CPQ: variants seen among roughly 807,000 people sequenced by gnomAD.
CPQ encodes Ser-Met dipeptidase.
CPQ carries 37 observed loss-of-function variants against 45.7 expected under a neutral mutation model. The ratio of observed to expected loss-of-function variants is 0.81; its 90% confidence interval spans 0.62 to 1.07. The LOEUF is 1.07. CPQ is among the 50% of genes least tolerant of loss of function. CPQ has a pLI of 0.00. For synonymous variants in CPQ, 186 were observed against 205.8 expected, an observed-to-expected ratio of 0.90 and a Z score of 0.82; for missense variants, 537 against 572.9, an observed-to-expected ratio of 0.94 and a Z score of 0.64.
chr8:97,039,025 T>A (rs903486392), intron 6 of CPQ, among the ~76,000 whole-genome samples: 1 of 152,160 alleles, frequency 6.6e-6, no homozygotes, highest in African/African-American at 2.4e-5. Flanking sequence ...GGTAGGCTAA[T>A]AATAGGACTG....
At chr8:96,877,402 A>G (rs1381340154) in intron 3 of CPQ, among the ~76,000 whole-genome samples, 1 of 152,212 alleles carries the variant, frequency 6.6e-6, no homozygotes, top group Non-Finnish European at 1.5e-5. Context: ...CTGTCTAGAA[A>G]CACTACTTAA....
intron 7 of CPQ, among the ~76,000 whole-genome samples, 195 bp from the exon 8 acceptor site, chr8:97,142,825 C>G: frequency 6.6e-6 from 1 of 152,204 alleles, no homozygotes; most frequent in East Asian, 1.9e-4. Context: ...AACTCATCCA[C>G]AGCCGGCTAC....
chr8:96,978,034 G>A (rs1813819224), intron 5 of CPQ, among the ~76,000 whole-genome samples: 1 of 152,008 alleles, frequency 6.6e-6, no homozygotes, highest in Non-Finnish European at 1.5e-5. Context: ...TGTAAAACTA[G>A]GTTTATGGCC....
At chr8:96,907,328 C>T (rs891937235) in intron 4 of CPQ, among the ~76,000 whole-genome samples, 1 of 152,028 alleles carries the variant, frequency 6.6e-6, no homozygotes, top group African/African-American at 2.4e-5. Context: ...TGGCTTGTCA[C>T]CTGGAAAAGG....
intron 1 of CPQ, among the ~76,000 whole-genome samples, chr8:96,712,840 T>C (rs910013167): frequency 7.2e-5 from 11 of 152,210 alleles, no homozygotes; most frequent in Non-Finnish European, 1.6e-4. Flanking sequence ...TTGTTACTTT[T>C]GCAAGTTTCT....
At chr8:96,843,631 C>T (rs998057828) in intron 3 of CPQ, among the ~76,000 whole-genome samples, 2 of 152,136 alleles carry the variant, frequency 1.3e-5, no homozygotes, top group Non-Finnish European at 2.9e-5. Context: ...ATCTGGGTAT[C>T]GCCAGGGCTG....
intron 5 of CPQ, among the ~76,000 whole-genome samples, chr8:96,986,556 A>C (rs1484780222): frequency 1.3e-5 from 2 of 152,134 alleles, no homozygotes; most frequent in East Asian, 3.9e-4. Flanking sequence ...TCTATTTTCA[A>C]ATCTAAGCCA....
At chr8:97,127,048 C>T (rs1811859683) in intron 7 of CPQ, among the ~76,000 whole-genome samples, 1 of 152,126 alleles carries the variant, frequency 6.6e-6, no homozygotes, top group African/African-American at 2.4e-5. Flanking sequence ...AATGTAAAAT[C>T]TTAAACTATG....
chr8:96,841,671 G>A (rs1233944688), intron 3 of CPQ, among the ~76,000 whole-genome samples: 2 of 152,198 alleles, frequency 1.3e-5, no homozygotes, highest in South Asian at 2.1e-4. Flanking sequence ...AATACTACTG[G>A]CTGATGTTTT....
chr8:97,058,645 G>T (rs1323193660), intron 6 of CPQ, among the ~76,000 whole-genome samples: 18 of 152,142 alleles, frequency 1.2e-4, no homozygotes, highest in Admixed American at 1.2e-3. Flanking sequence ...AATGAAAAAG[G>T]CAGGGAAGTC....
At chr8:96,654,570 C>T (rs931047612) in intron 1 of CPQ, among the ~76,000 whole-genome samples, 1 of 151,884 alleles carries the variant, frequency 6.6e-6, no homozygotes, top group African/African-American at 2.4e-5. Flanking sequence ...AGAGATGTTG[C>T]GTTTGGGGGC....
At chr8:97,073,747 A>C (rs1052633169) in intron 7 of CPQ, among the ~76,000 whole-genome samples, 2 of 152,210 alleles carry the variant, frequency 1.3e-5, no homozygotes, top group African/African-American at 4.8e-5. Context: ...GATACAGACT[A>C]TAACTAAGAA....
intron 7 of CPQ, among the ~76,000 whole-genome samples, chr8:97,084,740 A>G (rs2036939781): frequency 6.6e-6 from 1 of 151,870 alleles, no homozygotes; most frequent in Non-Finnish European, 1.5e-5. Context: ...TTTGCCTGAG[A>G]ATGTGTTTAT....
At chr8:96,649,047 T>A (rs1404462677) in intron 1 of CPQ, among the ~76,000 whole-genome samples, 1 of 152,238 alleles carries the variant, frequency 6.6e-6, no homozygotes, top group Non-Finnish European at 1.5e-5. Flanking sequence ...CGTGGCAAGA[T>A]CTCACTGCGA....
chr8:97,025,562 G>T (rs1809785754), intron 5 of CPQ, among the ~76,000 whole-genome samples: 1 of 152,216 alleles, frequency 6.6e-6, no homozygotes, highest in Admixed American at 6.5e-5. Context: ...CAAATTCTAG[G>T]ACTTTCCCTC....
At chr8:96,817,951 A>G (rs971270672) in intron 2 of CPQ, among the ~76,000 whole-genome samples, 12 of 151,992 alleles carry the variant, frequency 7.9e-5, no homozygotes, top group Non-Finnish European at 4.4e-5. Context: ...TTTCCTTTGC[A>G]TTCACAACTT....
chr8:97,091,118 A>G (rs989647148), intron 7 of CPQ, among the ~76,000 whole-genome samples: 4 of 152,146 alleles, frequency 2.6e-5, no homozygotes, highest in Non-Finnish European at 5.9e-5. Flanking sequence ...TAAGAGTCCA[A>G]GAAAGTGGCG....
Position 97,143,405 on chromosome 8 carries a change from T to A in CPQ, c.*222T>A. ...CCCACCACATAGAATCAACATATGG[T>A]AGGGATTACAGTGGGGGCATTTCTT... On this transcript the variant is annotated 3_prime_UTR_variant, in exon 8 of 8. Coordinates refer to ENST00000220763, the MANE Select transcript of CPQ (RefSeq NM_016134.4). 1 of 479,892 alleles carries A rather than the reference T, an allele frequency of 2.1e-6. No homozygotes were observed. 29.7% of individuals were successfully genotyped at this position (479,892 alleles called of 1,614,324 possible).
At chr8:96,792,913 A>G (rs7813310) in intron 2 of CPQ, among the ~76,000 whole-genome samples, 143,325 of 152,160 alleles carry the variant, frequency 0.94, 67,611 homozygotes, top group East Asian at 1. Context: ...ATGGCGGAAG[A>G]CACTCCTTCA....
Sources: gnomAD v4.1 joint callset for allele counts (sites outside exome capture counted in the v4.1 genomes callset) on GRCh38, gnomAD v4.1.1 for gene constraint, MANE v1.5 for transcripts, NCBI Gene and HGNC (gene_info 2026-07-23, HGNC 2026-07-21) for gene names.